NPC1: variants seen among roughly 807,000 people sequenced by gnomAD.
The protein encoded by NPC1 is Niemann-Pick C1 protein.
NPC1 carries 85 observed loss-of-function variants against 140.4 expected under a neutral mutation model. The ratio of observed to expected loss-of-function variants is 0.61; its 90% CI spans 0.51 to 0.72. NPC1 has a LOEUF of 0.72. Among genes scored for constraint, NPC1 ranks in the 30% least tolerant of loss-of-function variants. NPC1 has a pLI of 0.00. For synonymous variants in NPC1, 656 were observed against 624.8 expected (o/e 1.05, Z -0.74); for missense variants, 1,504 against 1,623.8 (o/e 0.93, Z 1.27).
intron 4 of NPC1, among the ~76,000 whole-genome samples, chr18:23,567,590 C>T (rs780952455): frequency 2.0e-5 from 3 of 152,132 alleles, no homozygotes; most frequent in Admixed American, 6.5e-5. Flanking sequence ...CTTGTCTTCT[C>T]GTTCTTGAGG....
At chr18:23,533,275 T>C in intron 24 of NPC1, 80 bp downstream of exon 24, 9 of 1,375,080 alleles carry the variant, frequency 6.5e-6, no homozygotes, top group Non-Finnish European at 8.3e-6. Flanking sequence ...TTCAAATACT[T>C]GAAAAGAATG....
intron 10 of NPC1, 65 bp from the exon 11 acceptor site, chr18:23,548,173 A>G: frequency 1.1e-6 from 1 of 924,854 alleles, no homozygotes; most frequent in Admixed American, 1.7e-5. Context: ...GACACATACC[A>G]GGGGAAAAAT....
chr18:23,561,288 A>T, intron 5 of NPC1, 72 bp downstream of exon 5: 1 of 1,527,100 alleles, frequency 6.5e-7, no homozygotes, highest in Non-Finnish European at 9.1e-7. Context: ...CTGGTGAGCC[A>T]CTGTGCCCAG....
intron 4 of NPC1, among the ~76,000 whole-genome samples, chr18:23,561,750 A>G (rs1410160551): frequency 6.6e-6 from 1 of 152,188 alleles, no homozygotes; most frequent in Non-Finnish European, 1.5e-5. Context: ...ACTTAAAAGT[A>G]AAAAACAGAC....
At chr18:23,551,786 T>C (rs951699492) in intron 9 of NPC1, 59 bp from the exon 10 acceptor site, 4 of 1,118,104 alleles carry the variant, frequency 3.6e-6, no homozygotes, top group Non-Finnish European at 1.4e-6. Context: ...ATCAGGGACC[T>C]AAACATTTAC....
chr18:23,518,879 T>C (rs756763935), downstream of NPC1: 4 of 1,613,244 alleles, frequency 2.5e-6, no homozygotes, highest in South Asian at 4.4e-5. Context: ...GTCTGTTTGT[T>C]CCCTAATTAG....
intron 3 of NPC1, chr18:23,509,152 TTTC>T (rs772239130): frequency 5.5e-5 from 44 of 803,896 alleles, no homozygotes; most frequent in Non-Finnish European, 3.5e-6. Flanking sequence ...ATATGTGTTT[TTTC>T]TTATTAATTA....
In NPC1 at chr18:23,560,455, G is replaced by A. The variant is rs760983826; in HGVS notation, c.657C>T (p.Pro219=). 3 of 1,614,086 alleles carry A rather than the reference G, an allele frequency of 1.9e-6. No homozygotes were observed. In the East Asian group the frequency reaches 6.7e-5, roughly 36 times the overall value. The change falls in exon 6 of 25, where the codon CCC becomes CCT. Residue 219 remains proline (P), a synonymous_variant. Coordinates refer to ENST00000269228, the MANE Select transcript of NPC1 (RefSeq NM_000271.5). ...FSDFPVHGME[P]MNNATKGCDE... ...CACAGCCTTTGGTGGCATTGTTCAT[G>A]GGCTCCATCCCATGGACTGGAAAAT...
chr18:23,524,015 A>G (rs1339010087), intron 1 of NPC1: 2 of 1,175,762 alleles, frequency 1.7e-6, no homozygotes, highest in East Asian at 2.3e-5. Flanking sequence ...CCTTGACTAC[A>G]ATTGAATAAA....
rs575880161 is a variant in NPC1, at chr18:23,507,927, G to C, written c.432-1285C>G. 248 of 1,489,922 alleles carry C rather than the reference G, an allele frequency of 1.7e-4. 1 individual carries two copies. The South Asian group carries it at 2.8e-3, about 17-fold the overall frequency. The allele number at this position is 1,489,922 out of a possible 1,614,324, so 92.3% of individuals were successfully genotyped here. A position where few individuals can be genotyped will look rare whatever the true frequency, so the allele number is the denominator to read the frequency against. ...TCTTGTCTTGTAGTATGCCAACGTA[G>C]GTTGGCAGTATGCTGCCTAATCCAA... On this transcript the variant is annotated intron_variant, in intron 3 of 3. Coordinates refer to the NPC1 transcript ENST00000591107.
chr18:23,539,323 A>G, intron 19 of NPC1, 32 bp downstream of exon 19: 3 of 1,518,688 alleles, frequency 2.0e-6, no homozygotes, highest in South Asian at 2.3e-5. Flanking sequence ...TTTTTCAGCA[A>G]AACAGGAAAG....
intron 3 of NPC1, chr18:23,509,371 A>ATT: frequency 2.8e-6 from 1 of 362,940 alleles, no homozygotes; most frequent in Non-Finnish European, 4.6e-6. Context: ...ATATATATAT[A>ATT]TTTTAAACAT....
chr18:23,555,009 CAAACCCAG>C, intron 8 of NPC1, 25 bp from the exon 9 acceptor site: 1 of 1,463,358 alleles, frequency 6.8e-7, no homozygotes, highest in Non-Finnish European at 9.6e-7. Context: ...TAAAAATAAG[CAAACCCAG>C]AAACACGTCA....
intron 1 of NPC1, among the ~76,000 whole-genome samples, chr18:23,578,290 A>G (rs2059316291): frequency 6.6e-6 from 1 of 152,256 alleles, no homozygotes; most frequent in Admixed American, 6.5e-5. Flanking sequence ...GAGGCTAAAC[A>G]ACTTGTCCAA....
intron 3 of NPC1, among the ~76,000 whole-genome samples, chr18:23,512,323 A>T (rs1194548653): frequency 6.6e-6 from 1 of 152,104 alleles, no homozygotes; most frequent in Non-Finnish European, 1.5e-5. Context: ...GCCTGGCCGA[A>T]AGACATTTTA....
At position 23,572,131 on chromosome 18, in the gene NPC1, A is replaced by T. The variant is rs2059212939; in HGVS notation, c.230T>A (p.Val77Asp). The T allele has an allele frequency of 1.2e-6, 2 of 1,613,864 alleles. No homozygotes were observed. Among genetic ancestry groups the T allele is most frequent in the East Asian group, 2.2e-5 (1 of 44,870 alleles). ...FFGNVSLCCDVRQLQTLKDNL... is the reference protein window; with the variant it reads ...FFGNVSLCCDDRQLQTLKDNL... The stretch of plus-strand genomic sequence containing the variant: ...GTCTTTTAGTGTCTGAAGCTGCCGA[A>T]CATCACAACAGAGACTGACATTGCC... The change falls in exon 3 of 25, where the codon GTT becomes GAT. Residue 77 changes from valine (V) to aspartate (D), a missense_variant. Physicochemically the swap from Val to Asp is radical, Grantham distance 152. Coordinates refer to ENST00000269228, the MANE Select transcript of NPC1 (RefSeq NM_000271.5).
rs1359876392 is a variant in NPC1 at position 23,545,038 on chromosome 18, G to A, written c.1869C>T (p.Thr623=). 1.1e-5 allele frequency: 17 copies of A among 1,597,630 alleles called. No individual in the cohort carries two copies. Among genetic ancestry groups the A allele is most frequent in the East Asian group, 9.2e-5 (4 of 43,692 alleles). ...ACATGATGGCATAGCTAATTACAAC[G>A]GTGAAGACATCACTGTCACTTTCAC... is the stretch of plus-strand genomic sequence containing the variant. ...LNRESDSDVF[T]VVISYAIMFL... Residue 623 remains threonine (T), a synonymous_variant, in exon 12 of 25, where the codon ACC becomes ACT. Transcript: ENST00000269228.
intron 14 of NPC1, 123 bp downstream of exon 14, chr18:23,543,332 G>GAAAAAAA: frequency 2.4e-6 from 1 of 421,358 alleles, no homozygotes; most frequent in East Asian, 4.3e-5. Context: ...CCGTCTCAGA[G>GAAAAAAA]AAAAAAAAAA....
rs779526299 is a variant in NPC1, at chr18:23,557,121, G to A, written c.951C>T (p.Asp317=). 6.2e-7 allele frequency: 1 copy of A among 1,611,492 alleles called. No homozygotes were observed. The highest frequency in any genetic ancestry group is 2.2e-5 in the East Asian group (1 of 44,864). The change falls in exon 7 of 25, where the codon GAC becomes GAT. Residue 317 remains aspartate, a synonymous_variant. Coordinates refer to ENST00000269228, the MANE Select transcript of NPC1 (RefSeq NM_000271.5). The part of the protein sequence containing the change: ...SNIAFSVNAS[D]KGEASCCDPV... ...TTCATGGACAAATATGCCTACCTTTGTCACTTGCATTAACAGAAAAAGCTA... is the reference window on the plus strand; with the variant it reads ...TTCATGGACAAATATGCCTACCTTTATCACTTGCATTAACAGAAAAAGCTA...
Sources: gnomAD v4.1 joint callset for allele counts (sites outside exome capture counted in the v4.1 genomes callset) on GRCh38, gnomAD v4.1.1 for gene constraint, MANE v1.5 for transcripts, NCBI Gene and HGNC (gene_info 2026-07-23, HGNC 2026-07-21) for gene names.